Variants in ARHGAP20 observed in about 807,000 individuals in gnomAD.
ARHGAP20 encodes Rho GTPase activating protein 20.
A neutral mutation model predicts 73.7 loss-of-function variants in ARHGAP20; 34 were observed. The observed-to-expected ratio is 0.46, with a 90% confidence interval of 0.35 to 0.61. The LOEUF (loss-of-function observed/expected upper bound fraction) is 0.61, where lower values mean the gene tolerates loss of function less well. ARHGAP20 is among the 20% of genes least tolerant of loss of function. The probability of loss-of-function intolerance (pLI) is 0.00; values close to 1 mark genes in which losing one functional copy is unlikely to be tolerated. For synonymous variants in ARHGAP20, 523 were observed against 518.2 expected (o/e 1.01, Z -0.13); for missense variants, 1,314 against 1,420.9 (o/e 0.92, Z 1.21).
intron 2 of ARHGAP20, among the ~76,000 whole-genome samples, chr11:110,661,127 T>C (rs943717384): frequency 4.6e-5 from 7 of 152,332 alleles, no homozygotes; most frequent in Middle Eastern, 3.4e-3. Context: ...AATAAAAAGC[T>C]ATTACTGATT....
intron 2 of ARHGAP20, among the ~76,000 whole-genome samples, chr11:110,668,973 CA>C (rs988836382): frequency 6.6e-6 from 1 of 151,912 alleles, no homozygotes; most frequent in Non-Finnish European, 1.5e-5. Flanking sequence ...AAAATTAACT[CA>C]AAATGGATCA....
intron 2 of ARHGAP20, among the ~76,000 whole-genome samples, chr11:110,636,967 C>A (rs12224378): frequency 0.016 from 2,478 of 152,018 alleles, 156 homozygotes; most frequent in Admixed American, 0.11. Flanking sequence ...TAACAGAACT[C>A]TAAAATAATC....
At chr11:110,584,916 T>C (rs868317550) in intron 12 of ARHGAP20, among the ~76,000 whole-genome samples, 2 of 148,758 alleles carry the variant, frequency 1.3e-5, no homozygotes, top group Non-Finnish European at 3.0e-5. Context: ...AATATATATA[T>C]GAATATATAT....
intron 2 of ARHGAP20, among the ~76,000 whole-genome samples, chr11:110,636,162 T>C (rs143376653): frequency 6.6e-6 from 1 of 152,176 alleles, no homozygotes; most frequent in East Asian, 1.9e-4. Flanking sequence ...AGTTTAAGTT[T>C]TGTGGGCCAT....
Position 110,690,553 on chromosome 11 carries a change from G to T in ARHGAP20, c.182C>A (p.Thr61Asn). 1 of 1,613,824 alleles carries T rather than the reference G, an allele frequency of 6.2e-7. No homozygotes were observed. The highest frequency in any genetic ancestry group is 8.5e-7 in the Non-Finnish European group (1 of 1,179,766). Residue 61 changes from threonine to asparagine, a missense_variant, in exon 2 of 15, where the codon ACT (threonine) becomes AAT (asparagine). Physicochemically the swap from Thr to Asn is moderately conservative, Grantham distance 65. Around this residue, in one of 3 missense-constraint regions of ARHGAP20, gnomAD observed 443 missense variants for 466.4 expected, o/e 0.95. Transcript: ENST00000683387. Reference protein sequence around the residue: ...ILDKALQKRPTTRDSPSASVD... With the variant: ...ILDKALQKRPNTRDSPSASVD... ...TACAAAGCTTTGCACTTACCTGGTA[G>T]TAGGCCGTTTTTGTAGGGCTTTATC...
At chr11:110,653,666 ATT>A in intron 2 of ARHGAP20, among the ~76,000 whole-genome samples, 1 of 152,338 alleles carries the variant, frequency 6.6e-6, no homozygotes, top group East Asian at 1.9e-4. Flanking sequence ...CAGTGTGGCA[ATT>A]CCTCAAACAC....
At chr11:110,608,158 A>G (rs1204855655) in intron 8 of ARHGAP20, among the ~76,000 whole-genome samples, 1 of 152,200 alleles carries the variant, frequency 6.6e-6, no homozygotes, top group Non-Finnish European at 1.5e-5. Context: ...ATTACATGAA[A>G]TAATGCATAC....
At chr11:110,671,000 A>G (rs1324734495) in intron 2 of ARHGAP20, among the ~76,000 whole-genome samples, 2 of 152,090 alleles carry the variant, frequency 1.3e-5, no homozygotes, top group African/African-American at 4.8e-5. Context: ...GGTAAAAGCT[A>G]AGGAAATCTG....
rs73553943 is a variant in ARHGAP20 at position 110,582,396 on chromosome 11, T to G, written c.1645A>C (p.Arg549=). The G allele has an allele frequency of 7.3e-5, 118 of 1,613,846 alleles. No individual in the cohort carries two copies. The African/African-American group carries it at 1.5e-3, about 21-fold the overall frequency. The change falls in exon 14 of 15, where the codon AGG becomes CGG. Residue 549 remains arginine, a synonymous_variant. Transcript: ENST00000683387. ...GAAGTGATTTCTTCTCCAAATATCCTAAGGCAATTCTCAATCAGAAATTGT... is the reference window on the plus strand; with the variant it reads ...GAAGTGATTTCTTCTCCAAATATCCGAAGGCAATTCTCAATCAGAAATTGT... ...LIQFLIENCL[R]IFGEEITSLF... is the part of the protein sequence containing the mutation.
In ARHGAP20 at chr11:110,679,915, T is replaced by C. The variant is rs12279405; in HGVS notation, c.188+10632A>G. Among the ~76,000 whole-genome samples the C allele has an allele frequency of 1.7e-3, 259 of 152,240 alleles. 1 individual carries two copies. Among genetic ancestry groups the C allele is most frequent in the African/African-American group, 5.8e-3 (239 of 41,546 alleles). The stretch of plus-strand genomic sequence containing the variant: ...CAGCTGGTCACTCCAGAATGGACAT[T>C]TCTTTCTGTGGCTTTTCAACACTGG... On this transcript the variant is annotated intron_variant, in intron 2 of 14. Coordinates refer to ENST00000683387, the MANE Select transcript of ARHGAP20 (RefSeq NM_001384657.1).
intron 2 of ARHGAP20, among the ~76,000 whole-genome samples, chr11:110,643,453 G>C (rs546472003): frequency 1.3e-5 from 2 of 152,142 alleles, no homozygotes; most frequent in South Asian, 4.2e-4. Context: ...CAAAGACTCT[G>C]GTATGCTGTG....
At chr11:110,626,683 C>T (rs1316552526) in intron 3 of ARHGAP20, among the ~76,000 whole-genome samples, 9 of 151,802 alleles carry the variant, frequency 5.9e-5, no homozygotes, top group African/African-American at 1.5e-4. Flanking sequence ...ACCTGAAACC[C>T]GGGTGAAGTT....
intron 2 of ARHGAP20, among the ~76,000 whole-genome samples, chr11:110,687,035 C>CTATATATATATATATATATATATATAT (rs1177958954): frequency 8.2e-6 from 1 of 121,998 alleles, no homozygotes; most frequent in Non-Finnish European, 1.7e-5. Flanking sequence ...AAGATTAAAA[C>CTATATATATATATATATATATATATAT]ATATATATAT....
In ARHGAP20 at chr11:110,577,458, T is replaced by TA. The variant is rs542260823; in HGVS notation, c.*1911dup. ...GCTTCAAATTGGGTGAATGATTTTT[T>TA]ACCTGCTAACATGAAAAAAAAAAAA... On this transcript the variant is annotated 3_prime_UTR_variant, in exon 15 of 15. Coordinates refer to ENST00000683387, the MANE Select transcript of ARHGAP20 (RefSeq NM_001384657.1). 148 of 1,058,350 alleles carry TA rather than the reference T, an allele frequency of 1.4e-4. 2 individuals are homozygous for TA. In the Middle Eastern group the frequency reaches 2.6e-3, roughly 18 times the overall value. 65.6% of individuals were successfully genotyped at this position (1,058,350 alleles called of 1,614,324 possible).
intron 9 of ARHGAP20, among the ~76,000 whole-genome samples, chr11:110,599,984 A>C (rs1306651034): frequency 1.3e-5 from 2 of 152,202 alleles, no homozygotes; most frequent in African/African-American, 4.8e-5. Flanking sequence ...TAGGAGCTGA[A>C]CACTTGATGG....
At chr11:110,666,255 C>T (rs1231261317) in intron 2 of ARHGAP20, among the ~76,000 whole-genome samples, 1 of 152,130 alleles carries the variant, frequency 6.6e-6, no homozygotes, top group Non-Finnish European at 1.5e-5. Context: ...GATAGAAAGA[C>T]TCAATATTGC....
chr11:110,626,659 T>C (rs1468671473), intron 3 of ARHGAP20, among the ~76,000 whole-genome samples: 1 of 152,170 alleles, frequency 6.6e-6, no homozygotes, highest in African/African-American at 2.4e-5. Flanking sequence ...TGGATATCAC[T>C]ATTCCTATAA....
chr11:110,665,845 CA>C (rs2135055590), intron 2 of ARHGAP20, among the ~76,000 whole-genome samples: 1 of 152,166 alleles, frequency 6.6e-6, no homozygotes, highest in Non-Finnish European at 1.5e-5. Context: ...ACCCAAAAGC[CA>C]AAGTAGAGAA....
chr11:110,693,185 G>A (rs1950275846), intron 1 of ARHGAP20, among the ~76,000 whole-genome samples: 1 of 151,940 alleles, frequency 6.6e-6, no homozygotes, highest in South Asian at 2.1e-4. Context: ...GATGTATAAT[G>A]GGTCAAATGC....
Sources: allele counts gnomAD v4.1 joint callset (sites outside exome capture counted in the v4.1 genomes callset), GRCh38; gene constraint gnomAD v4.1.1; regional missense constraint gnomAD v4.1.1; transcripts MANE v1.5; gene names NCBI Gene and HGNC (gene_info 2026-07-23, HGNC 2026-07-21).